The following COL4A6 variants were observed in gnomAD, a reference collection of about 807,000 sequenced individuals.
COL4A6 encodes the protein collagen alpha-6(IV) chain.
A neutral mutation model predicts 126.7 loss-of-function variants in COL4A6; 59 were observed. The ratio of observed to expected loss-of-function variants is 0.47; its 90% confidence interval spans 0.38 to 0.58. The LOEUF (loss-of-function observed/expected upper bound fraction) is 0.58. Ranked by LOEUF, COL4A6 falls within the 20% of genes least tolerant of loss-of-function variation. The probability of loss-of-function intolerance (pLI) is 0.00; values close to 1 mark genes in which losing one functional copy is unlikely to be tolerated. For missense variants in COL4A6, 1,285 were observed against 1,337.3 expected (o/e 0.96, Z 0.61); for synonymous variants, 547 against 496.6 (o/e 1.10, Z -1.35).
intron 25 of COL4A6, among the ~76,000 whole-genome samples, chrX:108,179,913 A>G (rs912343109): frequency 9.2e-6 from 1 of 108,210 alleles, no homozygotes; most frequent in African/African-American, 3.4e-5. Flanking sequence ...GGTAACAAGC[A>G]GATTACCGGG....
intron 2 of COL4A6, among the ~76,000 whole-genome samples, chrX:108,415,957 C>A (rs896572929): frequency 8.9e-6 from 1 of 112,052 alleles, no homozygotes; most frequent in Non-Finnish European, 1.9e-5. Flanking sequence ...GTGGTTACCT[C>A]CAGGAGGATT....
At chrX:108,421,223 G>A (rs1472483809) in intron 2 of COL4A6, among the ~76,000 whole-genome samples, 1 of 112,179 alleles carries the variant, frequency 8.9e-6, no homozygotes, top group Non-Finnish European at 1.9e-5. Flanking sequence ...AAGATGATGA[G>A]ATGCAACACA....
intron 3 of COL4A6, among the ~76,000 whole-genome samples, chrX:108,258,837 T>G (rs1363887457): frequency 1.8e-5 from 2 of 111,407 alleles, no homozygotes; most frequent in Non-Finnish European, 3.8e-5. Context: ...TTTCAAAACT[T>G]TAGGTCATAA....
chrX:108,356,880 GAGC>G, intron 2 of COL4A6, among the ~76,000 whole-genome samples: 1 of 108,042 alleles, frequency 9.3e-6, no homozygotes, highest in Non-Finnish European at 1.9e-5. Context: ...AGAATAATAA[GAGC>G]AGAAGAAGCA....
chrX:108,221,045 C>T lies in COL4A6; in HGVS notation c.279+195G>A, dbSNP rs777135901. 119 of 520,658 alleles carry T rather than the reference C, an allele frequency of 2.3e-4. No homozygotes were observed. In the South Asian group the frequency reaches 2.7e-3, roughly 12 times the overall value. The allele number at this position is 520,658 out of a possible 1,213,427, so 42.9% of individuals were successfully genotyped here. Reference sequence around the variant, plus strand: ...CCCAAGAAGCAGAGGTTGCAGTGAGCCGAGATCACGCCATTGTACTCCAGC... The same window carrying T: ...CCCAAGAAGCAGAGGTTGCAGTGAGTCGAGATCACGCCATTGTACTCCAGC... On this transcript the variant is annotated intron_variant, in intron 4 of 44. Coordinates refer to ENST00000334504, the MANE Select transcript of COL4A6 (RefSeq NM_033641.4).
chrX:108,207,629 T>G (rs1207861520), intron 8 of COL4A6, among the ~76,000 whole-genome samples: 1 of 112,139 alleles, frequency 8.9e-6, no homozygotes, highest in Non-Finnish European at 1.9e-5. Context: ...TTGAAATTTT[T>G]TTTTTATAAA....
chrX:108,191,194 C>T lies in COL4A6; in HGVS notation c.1321+199G>A, dbSNP rs140934380. On this transcript the variant is annotated intron_variant, in intron 19 of 44. Coordinates refer to ENST00000334504, the MANE Select transcript of COL4A6 (RefSeq NM_033641.4). ...AGTTTGCTTGTTCCTTGATGGAGAA[C>T]ACTCTGCTGTTATCAATAACTGGTA... 2.1e-3 allele frequency among the ~76,000 whole-genome samples: 233 copies of T among 112,280 alleles called. 1 individual carries two copies. Among genetic ancestry groups the T allele is most frequent in the Middle Eastern group, 4.6e-3 (1 of 217 alleles).
chrX:108,250,852 C>A (rs2036835034), intron 3 of COL4A6, among the ~76,000 whole-genome samples: 1 of 112,081 alleles, frequency 8.9e-6, no homozygotes, highest in African/African-American at 3.2e-5. Flanking sequence ...GCAAAGCAGT[C>A]CTGGCTGTAC....
chrX:108,420,503 G>A (rs1230844063), intron 2 of COL4A6, among the ~76,000 whole-genome samples: 1 of 112,001 alleles, frequency 8.9e-6, no homozygotes, highest in Non-Finnish European at 1.9e-5. Flanking sequence ...AGGAGTTCAA[G>A]CACTCTACCC....
At position 108,169,511 on chromosome X, in the gene COL4A6, C is replaced by G; in HGVS notation, c.3675G>C (p.Gly1225=). 1.7e-6 allele frequency: 2 copies of G among 1,211,319 alleles called. No individual in the cohort carries two copies. Among genetic ancestry groups the G allele is most frequent in the Middle Eastern group, 4.6e-4 (2 of 4,351 alleles). The change falls in exon 37 of 45, where the codon GGG becomes GGC. Residue 1225 remains glycine (G), a synonymous_variant. Transcript: ENST00000334504. ...TGGACTCACCTCGATCACCTTTTTG[C>G]CCTCTCAGGCCCGGCTTCCCTGGAG... ...IGAPGKPGLR[G]QKGDRGFPGL... is the part of the protein sequence containing the mutation.
At chrX:108,256,618 AGTACTT>A (rs2037013650) in intron 3 of COL4A6, among the ~76,000 whole-genome samples, 1 of 111,475 alleles carries the variant, frequency 9.0e-6, no homozygotes, top group Non-Finnish European at 1.9e-5. Context: ...CAGCCATACC[AGTACTT>A]TTCAAAGTGT....
chrX:108,200,274 T>C (rs1176377547), intron 13 of COL4A6, among the ~76,000 whole-genome samples: 2 of 112,662 alleles, frequency 1.8e-5, no homozygotes, highest in African/African-American at 3.2e-5. Context: ...ATAAATATTG[T>C]CATTTTAACA....
intron 3 of COL4A6, among the ~76,000 whole-genome samples, chrX:108,292,993 CAAAAAAAA>C (rs149076547): frequency 1.4e-4 from 2 of 14,557 alleles, no homozygotes; most frequent in African/African-American, 2.2e-4. Context: ...AGGAAAAAAG[CAAAAAAAA>C]AAAAAAAAAA....
In COL4A6 at chrX:108,157,124, CTG is replaced by C. The variant is rs2148043378; in HGVS notation, c.4947_4948del (p.Tyr1649Ter). On this transcript the variant is annotated stop_gained and frameshift_variant, in exon 45 of 45. Coordinates refer to ENST00000334504, the MANE Select transcript of COL4A6 (RefSeq NM_033641.4). LOFTEE classifies it high-confidence loss of function. ...CTCCTCCACTGTGGTCAACCAGAAA[CTG>C]TACTTGTTTGCAAAGTAGTGGCAGG... 3 of 1,212,135 alleles carry C rather than the reference CTG, an allele frequency of 2.5e-6. No individual in the cohort carries two copies. Among genetic ancestry groups the C allele is most frequent in the Non-Finnish European group, 3.3e-6 (3 of 895,586 alleles).
intron 2 of COL4A6, among the ~76,000 whole-genome samples, chrX:108,381,551 T>C (rs969723005): frequency 4.5e-5 from 5 of 112,180 alleles, no homozygotes; most frequent in African/African-American, 1.6e-4. Context: ...TATGTGCCTT[T>C]GGGCAGTTAC....
intron 27 of COL4A6, 52 bp from the exon 28 acceptor site, chrX:108,177,063 C>T (rs770041273): frequency 2.7e-6 from 3 of 1,103,624 alleles, no homozygotes; most frequent in Non-Finnish European, 3.7e-6. Context: ...AGGCTCTGGC[C>T]AGATCTGGGC....
chrX:108,270,840 A>C (rs1223145719), intron 3 of COL4A6, among the ~76,000 whole-genome samples: 1 of 111,594 alleles, frequency 9.0e-6, no homozygotes, highest in East Asian at 2.8e-4. Context: ...GTAGGTTTTA[A>C]TTGAAAGAGT....
intron 3 of COL4A6, among the ~76,000 whole-genome samples, chrX:108,250,085 G>A (rs2036814798): frequency 8.9e-6 from 1 of 112,034 alleles, no homozygotes; most frequent in South Asian, 3.8e-4. Context: ...TGGCATCCAA[G>A]TCCCATCTCT....
intron 2 of COL4A6, among the ~76,000 whole-genome samples, chrX:108,437,570 C>T (rs1027823372): frequency 9.0e-6 from 1 of 111,646 alleles, no homozygotes; most frequent in Non-Finnish European, 1.9e-5. Context: ...GCTCTCCTCC[C>T]ACTCTCAAAC....
Sources: gnomAD v4.1 joint callset for allele counts (sites outside exome capture counted in the v4.1 genomes callset) on GRCh38, gnomAD v4.1.1 for gene constraint, MANE v1.5 for transcripts, NCBI Gene and HGNC (gene_info 2026-07-23, HGNC 2026-07-21) for gene names.